TSPEAR: variants seen among roughly 807,000 people sequenced by gnomAD.
TSPEAR encodes the protein thrombospondin type laminin G domain and EAR repeats, also known as thrombospondin-type laminin G domain and EAR repeat-containing protein.
In TSPEAR, 69 loss-of-function variants were observed where a neutral mutation model predicts 71.6. The observed-to-expected ratio is 0.96, with a 90% CI of 0.79 to 1.18. TSPEAR has a LOEUF of 1.18. Among genes scored for constraint, TSPEAR ranks in the 50% most tolerant of loss-of-function variants. The pLI is 0.00. For missense variants in TSPEAR, 971 were observed against 894.9 expected, an observed-to-expected ratio of 1.09 and a Z score of -1.09; for synonymous variants, 402 against 387.2, an observed-to-expected ratio of 1.04 and a Z score of -0.45.
At chr21:44,557,257 A>G (rs1344506241) in intron 2 of TSPEAR, among the ~76,000 whole-genome samples, 2 of 152,238 alleles carry the variant, frequency 1.3e-5, no homozygotes, top group Non-Finnish European at 2.9e-5. Context: ...ATGCCCACAA[A>G]TACTTTCCAA....
At chr21:44,507,807 C>T (rs759992956) in intron 10 of TSPEAR, among the ~76,000 whole-genome samples, 132 of 152,322 alleles carry the variant, frequency 8.7e-4, no homozygotes, top group Admixed American at 4.6e-3. Context: ...GGCGTGGATT[C>T]GTGCTGGGGA....
At position 44,523,075 on chromosome 21, in the gene TSPEAR, T is replaced by TAGTC. The variant is rs1159988873; in HGVS notation, c.1337-967_1337-964dup. On this transcript the variant is annotated intron_variant, in intron 8 of 11. Coordinates refer to ENST00000323084, the MANE Select transcript of TSPEAR (RefSeq NM_144991.3). ...TCAGTCAGCCAGGTAGTTAGTCAGTTAGTCAGTCAGTCAGCCAGCCAGCCA... is the reference window on the plus strand; with the variant it reads ...TCAGTCAGCCAGGTAGTTAGTCAGTTAGTCAGTCAGTCAGTCAGCCAGCCAGCCA... Among the ~76,000 whole-genome samples, 3 of 141,032 alleles carry TAGTC rather than the reference T, an allele frequency of 2.1e-5. No individual in the cohort carries two copies. The East Asian group carries it at 5.8e-4, about 27-fold the overall frequency. The allele number at this position is 141,032 out of a possible 152,430, so 92.5% of individuals were successfully genotyped here. A position where few individuals can be genotyped will look rare whatever the true frequency, so the allele number is the denominator to read the frequency against.
At chr21:44,647,464 A>C in intron 1 of TSPEAR, 1 of 1,280,992 alleles carries the variant, frequency 7.8e-7, no homozygotes, top group Non-Finnish European at 1.1e-6. Context: ...CAGTAGCCAC[A>C]GAGCTGCTGC....
intron 1 of TSPEAR, among the ~76,000 whole-genome samples, chr21:44,672,530 A>G (rs1986108038): frequency 6.6e-6 from 1 of 152,160 alleles, no homozygotes; most frequent in African/African-American, 2.4e-5. Context: ...AGATGGCGCC[A>G]CTGCACTGCA....
rs782522630 is a variant in TSPEAR, at chr21:44,646,421, C to T, written c.82+65012G>A. ...ACTCACACACACACTCACACACTCA[C>T]TTACACCTCCCCCAGCTCACCTCCT... is the stretch of plus-strand genomic sequence containing the variant. On this transcript the variant is annotated intron_variant, in intron 1 of 11. Coordinates refer to ENST00000323084, the MANE Select transcript of TSPEAR (RefSeq NM_144991.3). The T allele has an allele frequency of 2.3e-5, 37 of 1,579,890 alleles. No individual in the cohort carries two copies. The East Asian group carries it at 7.2e-4, about 31-fold the overall frequency.
chr21:44,701,094 A>C (rs1987625859), intron 1 of TSPEAR, among the ~76,000 whole-genome samples: 1 of 152,006 alleles, frequency 6.6e-6, no homozygotes, highest in African/African-American at 2.4e-5. Flanking sequence ...TTGCAGATTG[A>C]TTAGATTGCT....
chr21:44,527,604 C>T lies in TSPEAR; in HGVS notation c.923-86G>A, dbSNP rs587705523. ...CTCGCGGGAGCGCGATTCCCAAGCC[C>T]CAAGTCACAAGCCACGACTCCTGCG... On this transcript the variant is annotated intron_variant, in intron 6 of 11. Transcript: ENST00000323084. 7.5e-5 allele frequency: 103 copies of T among 1,365,550 alleles called. No individual in the cohort carries two copies. In the African/African-American group the frequency reaches 1.3e-3, roughly 17 times the overall value. The allele number at this position is 1,365,550 out of a possible 1,614,324, so 84.6% of individuals were successfully genotyped here.
Position 44,533,906 on chromosome 21 carries a change from C to T in TSPEAR, c.321G>A (p.Leu107=). The part of the protein sequence containing the change: ...NLPPKRNEYL[L]TVVAEESDLL... ...GGTCGCTCTCCTCTGCCACCACCGT[C>T]AGCAGGTACTCGTTCCTCTGTGGAG... is the stretch of plus-strand genomic sequence containing the variant. The change falls in exon 3 of 12, where the codon CTG becomes CTA. Residue 107 remains leucine (L), a synonymous_variant. Transcript: ENST00000323084. 7.4e-6 allele frequency: 12 copies of T among 1,611,280 alleles called. No individual in the cohort carries two copies. The highest frequency in any genetic ancestry group is 1.0e-5 in the Non-Finnish European group (12 of 1,179,484).
rs2052843758 is a variant in TSPEAR at position 44,525,831 on chromosome 21, C to T, written c.1158G>A (p.Leu386=). 1 of 1,614,060 alleles carries T rather than the reference C, an allele frequency of 6.2e-7. No homozygotes were observed. Among genetic ancestry groups the T allele is most frequent in the African/African-American group, 1.3e-5 (1 of 75,018 alleles). The change falls in exon 8 of 12, where the codon CTG becomes CTA. Residue 386 remains leucine, a synonymous_variant. Transcript: ENST00000323084. ...RHFTIGKKIF[L]AVANFEPDEK... is the part of the protein sequence containing the mutation. ...CATCTGGTTCAAAATTAGCCACTGC[C>T]AGGAAGATCTGAAAGAGAGTAAACC...
chr21:44,630,538 A>G (rs1012439957), intron 1 of TSPEAR, among the ~76,000 whole-genome samples: 1 of 152,110 alleles, frequency 6.6e-6, no homozygotes, highest in Non-Finnish European at 1.5e-5. Flanking sequence ...CATGCCCATG[A>G]TGGGGCACAG....
chr21:44,504,143 A>G (rs1329164010), intron 11 of TSPEAR, among the ~76,000 whole-genome samples: 1 of 129,864 alleles, frequency 7.7e-6, no homozygotes, highest in Admixed American at 7.7e-5. Flanking sequence ...CAGTGAGCCC[A>G]CAGTGGGGAA....
At chr21:44,558,440 G>A (rs587720131) in intron 2 of TSPEAR, 8 of 1,614,086 alleles carry the variant, frequency 5.0e-6, no homozygotes, top group South Asian at 4.4e-5. Flanking sequence ...GGCAGGGGGA[G>A]GATGTGCAGC....
At chr21:44,646,792 C>G (rs375504051) in intron 1 of TSPEAR, 2 of 1,612,266 alleles carry the variant, frequency 1.2e-6, no homozygotes, top group Non-Finnish European at 1.7e-6. Context: ...CTGCTGCAAG[C>G]CTGTGTGCTG....
At chr21:44,565,565 TA>T (rs587713744) in intron 2 of TSPEAR, among the ~76,000 whole-genome samples, 31 of 152,282 alleles carry the variant, frequency 2.0e-4, no homozygotes, top group African/African-American at 6.5e-4. Context: ...GTTTAATATC[TA>T]AAAATCAATT....
chr21:44,632,642 T>C (rs1983320464), intron 1 of TSPEAR, among the ~76,000 whole-genome samples: 2 of 152,232 alleles, frequency 1.3e-5, no homozygotes, highest in South Asian at 4.1e-4. Context: ...GAGACCAGCC[T>C]GGCCAACATA....
intron 1 of TSPEAR, among the ~76,000 whole-genome samples, chr21:44,703,528 G>A (rs1325809328): frequency 2.6e-5 from 4 of 152,216 alleles, no homozygotes; most frequent in African/African-American, 4.8e-5. Flanking sequence ...GAAGCTGAGT[G>A]TCGCTGTGGT....
In TSPEAR at chr21:44,627,290, C is replaced by A. The variant is rs373004395; in HGVS notation, c.83-59285G>T. 5 of 1,612,578 alleles carry A rather than the reference C, an allele frequency of 3.1e-6. No individual in the cohort carries two copies. The Admixed American group carries it at 6.7e-5, about 21-fold the overall frequency. Reference sequence around the variant, plus strand: ...TGCGCCACCAGCTGCTGCGCCCCGGCCCCCTGCCTGACCCTGGTCTGCACC... The same window carrying A: ...TGCGCCACCAGCTGCTGCGCCCCGGACCCCTGCCTGACCCTGGTCTGCACC... On this transcript the variant is annotated intron_variant, in intron 1 of 11. Transcript: ENST00000323084.
rs1014766570 is a variant in TSPEAR, at chr21:44,647,155, C to A, written c.82+64278G>T. On this transcript the variant is annotated intron_variant, in intron 1 of 11. Transcript: ENST00000323084. Reference sequence around the variant, plus strand: ...TTGCTGCACCACCTCCTGCTGCAGACCCTCCTCCTCTGTGTCCCTCCTCTG... The same window carrying A: ...TTGCTGCACCACCTCCTGCTGCAGAACCTCCTCCTCTGTGTCCCTCCTCTG... 2.5e-6 allele frequency: 4 copies of A among 1,613,962 alleles called. No individual in the cohort carries two copies. In the African/African-American group the frequency reaches 5.3e-5, roughly 22 times the overall value.
intron 9 of TSPEAR, chr21:44,511,039 T>G (rs1254224237): frequency 1.3e-5 from 2 of 152,306 alleles, no homozygotes; most frequent in African/African-American, 4.8e-5. Flanking sequence ...CGGTGGGACC[T>G]TCAGCAGCAT....
Sources: gnomAD v4.1 joint callset for allele counts (sites outside exome capture counted in the v4.1 genomes callset) on GRCh38, gnomAD v4.1.1 for gene constraint, MANE v1.5 for transcripts, NCBI Gene and HGNC (gene_info 2026-07-23, HGNC 2026-07-21) for gene names.